Variants in PADI1 observed in about 807,000 individuals in gnomAD.
PADI1 encodes protein-arginine deiminase type-1.
A neutral mutation model predicts 74.8 loss-of-function variants in PADI1; 65 were observed. The ratio of observed to expected loss-of-function variants is 0.87; its 90% CI spans 0.71 to 1.07. PADI1 has a LOEUF of 1.07. Among genes scored for constraint, PADI1 ranks in the 50% least tolerant of loss-of-function variants. The pLI, the probability that PADI1 is intolerant of heterozygous loss-of-function variation, is 0.00. For missense variants in PADI1, 943 were observed against 854.0 expected, an observed-to-expected ratio of 1.10 and a Z score of -1.30; for synonymous variants, 371 against 336.2, an observed-to-expected ratio of 1.10 and a Z score of -1.13.
chr1:17,230,558 C>G lies in PADI1; in HGVS notation c.1054-14C>G. On this transcript the variant is annotated splice_polypyrimidine_tract_variant and intron_variant, in intron 9 of 15. Transcript: ENST00000375471. ...AAAAAGGTCACTGTGGCTTTTTCAT[C>G]TCTCCCCTCCCAGGACGAGATGGAG... 2 of 1,578,714 alleles carry G rather than the reference C, an allele frequency of 1.3e-6. No individual in the cohort carries two copies. The highest frequency in any genetic ancestry group is 1.7e-6 in the Non-Finnish European group (2 of 1,156,962).
intron 15 of PADI1, 105 bp downstream of exon 15, chr1:17,240,865 A>G: frequency 1.6e-6 from 2 of 1,242,438 alleles, no homozygotes; most frequent in East Asian, 4.8e-5. Context: ...GGCCCTGCGG[A>G]CCTCTCCAGT....
intron 12 of PADI1, among the ~76,000 whole-genome samples, chr1:17,238,330 C>T (rs569560148): frequency 6.6e-6 from 1 of 152,202 alleles, no homozygotes; most frequent in African/African-American, 2.4e-5. Flanking sequence ...GCGTGAGCCA[C>T]GACACCCAGC....
intron 1 of PADI1, among the ~76,000 whole-genome samples, chr1:17,209,138 G>A (rs771245988): frequency 4.6e-5 from 7 of 152,190 alleles, no homozygotes; most frequent in African/African-American, 1.2e-4. Flanking sequence ...TGTGTACATC[G>A]AGTAAATTAA....
chr1:17,222,940 C>T (rs1307091598), intron 2 of PADI1, among the ~76,000 whole-genome samples: 1 of 152,228 alleles, frequency 6.6e-6, no homozygotes, highest in Non-Finnish European at 1.5e-5. Context: ...TCCCTCCTCA[C>T]TCGCCCCAGC....
intron 6 of PADI1, among the ~76,000 whole-genome samples, chr1:17,227,599 C>T (rs941829556): frequency 1.1e-4 from 17 of 152,108 alleles, no homozygotes; most frequent in South Asian, 2.1e-4. Context: ...TCCTTAACCC[C>T]GGACTGCTCT....
intron 14 of PADI1, chr1:17,240,358 G>T (rs2100530429): frequency 5.8e-6 from 2 of 345,080 alleles, no homozygotes; most frequent in Middle Eastern, 1.7e-3. Flanking sequence ...CTGTGGCTGG[G>T]GCTGGGACAG....
intron 4 of PADI1, among the ~76,000 whole-genome samples, chr1:17,224,752 G>T (rs1425251890): frequency 6.6e-6 from 1 of 152,120 alleles, no homozygotes; most frequent in East Asian, 1.9e-4. Flanking sequence ...ATGTGGGAGT[G>T]CTTCCTAAAA....
At chr1:17,222,238 C>T (rs897765394) in intron 1 of PADI1, 52 bp from the exon 2 acceptor site, 2 of 1,428,206 alleles carry the variant, frequency 1.4e-6, no homozygotes, top group Admixed American at 3.5e-5. Flanking sequence ...TGGCCACTCC[C>T]CTGAAGAGAG....
intron 1 of PADI1, among the ~76,000 whole-genome samples, chr1:17,218,001 T>C (rs2072026231): frequency 6.6e-6 from 1 of 152,238 alleles, no homozygotes. Context: ...GAATGAAGGG[T>C]GACATGCATC....
At chr1:17,221,084 T>A (rs1412827629) in intron 1 of PADI1, among the ~76,000 whole-genome samples, 1 of 152,142 alleles carries the variant, frequency 6.6e-6, no homozygotes, top group Admixed American at 6.5e-5. Flanking sequence ...CTCTGATGTA[T>A]CAGGTGAATG....
chr1:17,217,569 C>T (rs555298837), intron 1 of PADI1, among the ~76,000 whole-genome samples: 35 of 152,290 alleles, frequency 2.3e-4, no homozygotes, highest in African/African-American at 7.9e-4. Flanking sequence ...ATTAAATATA[C>T]ACACAATTAA....
chr1:17,229,899 C>T (rs2072438225), intron 8 of PADI1, among the ~76,000 whole-genome samples, 186 bp from the exon 9 acceptor site: 1 of 152,198 alleles, frequency 6.6e-6, no homozygotes, highest in South Asian at 2.1e-4. Context: ...TCACCTTGCA[C>T]CTGTCACCTG....
intron 11 of PADI1, among the ~76,000 whole-genome samples, chr1:17,234,396 C>T (rs1376713082): frequency 2.0e-5 from 3 of 152,206 alleles, no homozygotes; most frequent in East Asian, 1.9e-4. Flanking sequence ...ATAAAGAATT[C>T]GTGTCAACCA....
intron 1 of PADI1, among the ~76,000 whole-genome samples, chr1:17,215,357 C>T (rs1430713202): frequency 6.6e-6 from 1 of 151,936 alleles, no homozygotes; most frequent in African/African-American, 2.4e-5. Flanking sequence ...GAAATTGTAC[C>T]TGTCATTTCT....
At chr1:17,230,788 G>A (rs1029486130) in intron 10 of PADI1, 109 bp downstream of exon 10, 3 of 670,036 alleles carry the variant, frequency 4.5e-6, no homozygotes, top group East Asian at 2.9e-5. Context: ...ACAGGAAGAG[G>A]GGGCAGAAGG....
chr1:17,229,023 C>T lies in PADI1; in HGVS notation c.901C>T (p.Gln301Ter). ...MAPWIMTPNT[Q>*]PPEELYVCRV... ...CCCCTGGATCATGACGCCCAACACT[C>T]AGCCTCCTGAGGAGCTGTATGTGTG... Residue 301 changes from glutamine (Q) to a stop codon, truncating the protein, a stop_gained, in exon 8 of 16, where the codon CAG becomes TAG. Coordinates refer to ENST00000375471, the MANE Select transcript of PADI1 (RefSeq NM_013358.3). LOFTEE classifies it high-confidence loss of function. 6.3e-7 allele frequency: 1 copy of T among 1,579,806 alleles called. No individual in the cohort carries two copies. Among genetic ancestry groups the T allele is most frequent in the Non-Finnish European group, 8.6e-7 (1 of 1,161,452 alleles).
intron 12 of PADI1, 43 bp downstream of exon 12, chr1:17,237,501 C>A: frequency 6.4e-7 from 1 of 1,563,970 alleles, no homozygotes. Context: ...CTGCCCTTGT[C>A]TGACCTGATG....
intron 1 of PADI1, among the ~76,000 whole-genome samples, chr1:17,216,306 C>T (rs1036733374): frequency 1.3e-5 from 2 of 152,192 alleles, no homozygotes; most frequent in East Asian, 3.9e-4. Context: ...GATAAAAATC[C>T]ACATGGAAGC....
chr1:17,238,152 G>A (rs575927570), intron 12 of PADI1, among the ~76,000 whole-genome samples: 8 of 152,316 alleles, frequency 5.3e-5, no homozygotes, highest in Admixed American at 1.3e-4. Context: ...GGGTTCAAGC[G>A]ATTCTCCTGC....
Sources: gnomAD v4.1 joint callset for allele counts (sites outside exome capture counted in the v4.1 genomes callset) on GRCh38, gnomAD v4.1.1 for gene constraint, MANE v1.5 for transcripts, NCBI Gene and HGNC (gene_info 2026-07-23, HGNC 2026-07-21) for gene names.